ZFYVE28: variants seen among roughly 807,000 people sequenced by gnomAD.
ZFYVE28 encodes the protein zinc finger FYVE-type containing 28.
A neutral mutation model predicts 82.1 loss-of-function variants in ZFYVE28; 40 were observed. That is an observed-to-expected ratio of 0.49 (90% CI 0.38 to 0.63). The LOEUF (loss-of-function observed/expected upper bound fraction) is 0.63, where lower values mean the gene tolerates loss of function less well. Among genes scored for constraint, ZFYVE28 ranks in the 30% least tolerant of loss-of-function variants. The pLI, the probability that ZFYVE28 is intolerant of heterozygous loss-of-function variation, is 0.00. For synonymous variants in ZFYVE28, 612 were observed against 546.1 expected, an observed-to-expected ratio of 1.12 and a Z score of -1.68; for missense variants, 1,321 against 1,242.1, an observed-to-expected ratio of 1.06 and a Z score of -0.96.
At position 2,416,426 on chromosome 4, in the gene ZFYVE28, G is replaced by C. The variant is rs771247617; in HGVS notation, c.39+1859C>G. 9.9e-5 allele frequency among the ~76,000 whole-genome samples: 15 copies of C among 152,180 alleles called. No individual in the cohort carries two copies. Among genetic ancestry groups the C allele is most frequent in the Non-Finnish European group, 1.9e-4 (13 of 68,040 alleles). Reference sequence around the variant, plus strand: ...TCAGCGACACCAGAATGTTAGTTAAGACCTAAGACACATTTCTCCAGCTGC... The same window carrying C: ...TCAGCGACACCAGAATGTTAGTTAACACCTAAGACACATTTCTCCAGCTGC... On this transcript the variant is annotated intron_variant, in intron 1 of 12. Coordinates refer to ENST00000290974, the MANE Select transcript of ZFYVE28 (RefSeq NM_020972.3). This position sits in a 1 kb window ranked among gnomAD's most constrained non-coding sequence, Gnocchi z 4.6.
rs60828021 is a variant in ZFYVE28 at position 2,391,740 on chromosome 4, C to CTT, written c.39+26543_39+26544dup. ...CTTCCTGTAAGTCAATTCTCTCTCT[C>CTT]TTTTTTTTTTTTTGTGACTGAGTCT... is the stretch of plus-strand genomic sequence containing the variant. On this transcript the variant is annotated intron_variant, in intron 1 of 12. Transcript: ENST00000290974. Among the ~76,000 whole-genome samples the CTT allele has an allele frequency of 7.6e-3, 1,079 of 142,214 alleles. 30 individuals carry two copies. The highest frequency in any genetic ancestry group is 0.026 in the African/African-American group (981 of 38,396). The allele number at this position is 142,214 out of a possible 152,430, so 93.3% of individuals were successfully genotyped here. A position where few individuals can be genotyped will look rare whatever the true frequency, so the allele number is the denominator to read the frequency against.
chr4:2,341,287 G>T lies in ZFYVE28; in HGVS notation c.318+191C>A. The T allele has an allele frequency of 1.4e-6, 1 of 727,678 alleles. No individual in the cohort carries two copies. Among genetic ancestry groups the T allele is most frequent in the Non-Finnish European group, 2.2e-6 (1 of 447,802 alleles). The allele number at this position is 727,678 out of a possible 1,614,324, so 45.1% of individuals were successfully genotyped here. On this transcript the variant is annotated intron_variant, in intron 3 of 12. Transcript: ENST00000290974. The surrounding 1 kb of genome is among the most constrained non-coding windows in gnomAD (Gnocchi z 4.5). ...TATAGTTTTGGGGGCACCAGTTCAT[G>T]GCTTTCCCAGATCCTCCAGGGGTGC...
intron 8 of ZFYVE28, among the ~76,000 whole-genome samples, chr4:2,299,900 G>A (rs1715251311): frequency 6.6e-6 from 1 of 152,032 alleles, no homozygotes; most frequent in South Asian, 2.1e-4. Context: ...GGGCTCAAGT[G>A]ATTCTCCTGC....
At chr4:2,337,375 TGCCCCCA>T in intron 5 of ZFYVE28, 25 bp downstream of exon 5, 1 of 1,564,704 alleles carries the variant, frequency 6.4e-7, no homozygotes. Context: ...CCCCAGATGC[TGCCCCCA>T]GCCCCTAAGC....
intron 8 of ZFYVE28, chr4:2,286,127 G>A (rs1223039226): frequency 6.5e-5 from 10 of 152,814 alleles, no homozygotes; most frequent in African/African-American, 2.4e-4. Flanking sequence ...GGTCCCTGTG[G>A]GGAGCATGGG....
At chr4:2,283,160 C>T (rs1712183873) in intron 8 of ZFYVE28, among the ~76,000 whole-genome samples, 2 of 151,054 alleles carry the variant, frequency 1.3e-5, no homozygotes, top group South Asian at 2.1e-4. Flanking sequence ...ATTTACCTAT[C>T]CATCCATCCA....
chr4:2,339,647 G>T lies in ZFYVE28; in HGVS notation c.327C>A (p.Ala109=). Residue 109 remains alanine, a synonymous_variant, in exon 4 of 13, where the codon GCC becomes GCA. Transcript: ENST00000290974. This position sits in a 1 kb window ranked among gnomAD's most constrained non-coding sequence, Gnocchi z 5.0. The part of the protein sequence containing the change: ...GQLWFGAECL[A]AGSIIMNREL... ...CCCGGTTCATGATGATGGAGCCGGC[G>T]GCCAGGCACTGCGGGAGGGGACACA... The T allele has an allele frequency of 6.3e-7, 1 of 1,599,846 alleles. No individual in the cohort carries two copies. The highest frequency in any genetic ancestry group is 8.5e-7 in the Non-Finnish European group (1 of 1,174,300).
At chr4:2,301,812 T>C (rs966514952) in intron 8 of ZFYVE28, among the ~76,000 whole-genome samples, 1 of 152,200 alleles carries the variant, frequency 6.6e-6, no homozygotes, top group Admixed American at 6.5e-5. Flanking sequence ...GAGGAAAGCA[T>C]CCAGTAGTGG....
At position 2,305,082 on chromosome 4, in the gene ZFYVE28, C is replaced by G. The variant is rs1577999438; in HGVS notation, c.1258G>C (p.Ala420Pro). The G allele has an allele frequency of 6.2e-7, 1 of 1,608,278 alleles. No homozygotes were observed. The highest frequency in any genetic ancestry group is 8.5e-7 in the Non-Finnish European group (1 of 1,177,122). The change falls in exon 8 of 13, where the codon GCT (alanine) becomes CCT (proline). Residue 420 changes from alanine (A) to proline (P), a missense_variant. Physicochemically the swap from Ala to Pro is conservative, Grantham distance 27 (BLOSUM62 -1). This residue lies in a region of ZFYVE28 where 978 missense variants were observed against 833.7 expected (regional missense o/e 1.17). Transcript: ENST00000290974. ...CTGCCTGCCCACCCAAATGGGCCAG[C>G]TGGGGACTCGGGCCTGGCCAGGGCT... is the stretch of plus-strand genomic sequence containing the variant. Reference protein sequence around the residue: ...AEALARPESPAGPFGWAGSTW... With the variant: ...AEALARPESPPGPFGWAGSTW...
rs1326135518 is a variant in ZFYVE28, at chr4:2,408,727, C to T, written c.39+9558G>A. 6.6e-6 allele frequency among the ~76,000 whole-genome samples: 1 copy of T among 152,128 alleles called. No homozygotes were observed. The highest frequency in any genetic ancestry group is 1.5e-5 in the Non-Finnish European group (1 of 68,018). ...ATGATGAAGCCCCGCCCAGATGCCA[C>T]CCCGCCCAGATGCAGCCCTATCCAG... On this transcript the variant is annotated intron_variant, in intron 1 of 12. Transcript: ENST00000290974. This position sits in a 1 kb window ranked among gnomAD's most constrained non-coding sequence, Gnocchi z 4.3.
chr4:2,294,329 G>A (rs1714215367), intron 8 of ZFYVE28, among the ~76,000 whole-genome samples: 1 of 152,128 alleles, frequency 6.6e-6, no homozygotes, highest in African/African-American at 2.4e-5. Context: ...AAAATGCAAA[G>A]GCAATTCAGT....
In ZFYVE28 at chr4:2,304,721, G is replaced by A. The variant is rs763072682; in HGVS notation, c.1619C>T (p.Pro540Leu). 4 of 1,612,694 alleles carry A rather than the reference G, an allele frequency of 2.5e-6. No individual in the cohort carries two copies. Among genetic ancestry groups the A allele is most frequent in the Non-Finnish European group, 3.4e-6 (4 of 1,179,938 alleles). ...GCCGCCATCCATCCCCTCGGCCACG[G>A]GCTCCGAGGCGGCCTCCTGGGTGGC... Reference protein sequence around the residue: ...AVATQEAASEPVAEGMDGGPH... With the variant: ...AVATQEAASELVAEGMDGGPH... Residue 540 changes from proline to leucine, a missense_variant, in exon 8 of 13, where the codon CCC becomes CTC. Coordinates refer to ENST00000290974, the MANE Select transcript of ZFYVE28 (RefSeq NM_020972.3).
chr4:2,335,456 T>TA lies in ZFYVE28; in HGVS notation c.701+248dup. ...CTGTCCAGTGGCAGGTGGCAGGTGTTAGGCCACCTTGCCCTATCTAGGGTG... is the reference window on the plus strand; with the variant it reads ...CTGTCCAGTGGCAGGTGGCAGGTGTTAAGGCCACCTTGCCCTATCTAGGGTG... On this transcript the variant is annotated intron_variant, in intron 6 of 12. Coordinates refer to ENST00000290974, the MANE Select transcript of ZFYVE28 (RefSeq NM_020972.3). The surrounding 1 kb of genome is among the most constrained non-coding windows in gnomAD (Gnocchi z 5.8). 6.6e-6 allele frequency among the ~76,000 whole-genome samples: 1 copy of TA among 152,220 alleles called. No individual in the cohort carries two copies. The highest frequency in any genetic ancestry group is 2.1e-4 in the South Asian group (1 of 4,822).
intron 8 of ZFYVE28, among the ~76,000 whole-genome samples, chr4:2,301,599 G>A (rs186131121): frequency 1.9e-3 from 287 of 152,290 alleles, no homozygotes; most frequent in African/African-American, 6.0e-3. Context: ...CAGAGCTCAC[G>A]CCAGGAAGGT....
chr4:2,401,093 T>C (rs1731122833), intron 1 of ZFYVE28, among the ~76,000 whole-genome samples: 2 of 152,136 alleles, frequency 1.3e-5, no homozygotes, highest in Non-Finnish European at 2.9e-5. Context: ...TGGAAACTGG[T>C]ACCTAGGGAG....
chr4:2,337,395 C>A lies in ZFYVE28; in HGVS notation c.611+12G>T. 6.3e-7 allele frequency: 1 copy of A among 1,593,670 alleles called. No homozygotes were observed. On this transcript the variant is annotated intron_variant, in intron 5 of 12. Transcript: ENST00000290974. ...GATGCTGCCCCCAGCCCCTAAGCAT[C>A]CCTGTGCTCACCTCTCCACCGTCTC...
chr4:2,415,475 C>CACACACACACAT (rs1393415061), intron 1 of ZFYVE28, among the ~76,000 whole-genome samples: 1 of 151,696 alleles, frequency 6.6e-6, no homozygotes, highest in East Asian at 1.9e-4. Context: ...CACACACACA[C>CACACACACACAT]ACACTTAAAA....
At chr4:2,304,090 C>T (rs758159474) in intron 8 of ZFYVE28, among the ~76,000 whole-genome samples, 199 bp downstream of exon 8, 12 of 152,376 alleles carry the variant, frequency 7.9e-5, no homozygotes, top group South Asian at 2.1e-4. Flanking sequence ...GCATGACGCC[C>T]CACAGGGCAG....
At chr4:2,302,295 A>G (rs1715681779) in intron 8 of ZFYVE28, among the ~76,000 whole-genome samples, 2 of 152,228 alleles carry the variant, frequency 1.3e-5, no homozygotes. Context: ...GGTCTATCTT[A>G]TTTATAGATT....
Sources: gnomAD v4.1 joint callset for allele counts (sites outside exome capture counted in the v4.1 genomes callset) on GRCh38, gnomAD v4.1.1 for gene constraint, gnomAD v4.1.1 regional missense constraint, Gnocchi (gnomAD v3.1) non-coding constraint, MANE v1.5 for transcripts, NCBI Gene and HGNC (gene_info 2026-07-23, HGNC 2026-07-21) for gene names.